GRM3: variants seen among roughly 807,000 people sequenced by gnomAD.
The protein encoded by GRM3 is glutamate metabotropic receptor 3, also known as metabotropic glutamate receptor 3.
Under a neutral mutation model 70.5 loss-of-function variants are expected in GRM3, and 26 were observed. The ratio of observed to expected loss-of-function variants is 0.37; its 90% confidence interval spans 0.27 to 0.51. The LOEUF (loss-of-function observed/expected upper bound fraction) is 0.51. Ranked by LOEUF, GRM3 falls within the 20% of genes least tolerant of loss-of-function variation. GRM3 has a pLI of 0.93. For missense variants in GRM3, 859 were observed against 1,123.8 expected (o/e 0.76, Z 3.37); for synonymous variants, 443 against 434.9 (o/e 1.02, Z -0.23).
At chr7:86,754,533 T>A (rs1796300275) in intron 1 of GRM3, among the ~76,000 whole-genome samples, 1 of 152,166 alleles carries the variant, frequency 6.6e-6, no homozygotes, top group African/African-American at 2.4e-5. Context: ...GGAGCCATCA[T>A]GAAGCCTGTG....
intron 1 of GRM3, among the ~76,000 whole-genome samples, chr7:86,698,439 C>A (rs1794875298): frequency 6.6e-6 from 1 of 151,204 alleles, no homozygotes; most frequent in South Asian, 2.1e-4. Flanking sequence ...TCCTCCTCAA[C>A]CCCCCACCAC....
At chr7:86,743,888 G>A (rs900984270) in intron 1 of GRM3, among the ~76,000 whole-genome samples, 4 of 152,074 alleles carry the variant, frequency 2.6e-5, no homozygotes, top group Non-Finnish European at 4.4e-5. Flanking sequence ...GAAGAGAGCT[G>A]TGTGAGACTA....
chr7:86,837,705 G>C (rs553075484), intron 3 of GRM3, among the ~76,000 whole-genome samples: 5 of 152,100 alleles, frequency 3.3e-5, no homozygotes, highest in Non-Finnish European at 7.4e-5. Context: ...AGGAATCTGG[G>C]GTTTTGAATC....
intron 3 of GRM3, among the ~76,000 whole-genome samples, chr7:86,800,609 T>C (rs1292872138): frequency 2.0e-5 from 3 of 152,162 alleles, no homozygotes; most frequent in Non-Finnish European, 4.4e-5. Flanking sequence ...AATCCCTGAA[T>C]AGACCAATAA....
At chr7:86,791,400 CT>C (rs1346450543) in intron 3 of GRM3, among the ~76,000 whole-genome samples, 2 of 152,152 alleles carry the variant, frequency 1.3e-5, no homozygotes, top group African/African-American at 4.8e-5. Flanking sequence ...CCTAAGTACT[CT>C]CTTTTAGTTA....
chr7:86,699,583 T>G (rs1406193210), intron 1 of GRM3, among the ~76,000 whole-genome samples: 1 of 152,064 alleles, frequency 6.6e-6, no homozygotes, highest in Non-Finnish European at 1.5e-5. Context: ...TGTGTTTTCT[T>G]CTTAAAATAT....
intron 3 of GRM3, among the ~76,000 whole-genome samples, chr7:86,812,677 G>T (rs571663999): frequency 6.6e-6 from 1 of 151,682 alleles, no homozygotes; most frequent in Non-Finnish European, 1.5e-5. Context: ...CATTTGCCGG[G>T]CATATCAAAG....
At chr7:86,811,106 A>T (rs1797899736) in intron 3 of GRM3, among the ~76,000 whole-genome samples, 1 of 151,952 alleles carries the variant, frequency 6.6e-6, no homozygotes, top group African/African-American at 2.4e-5. Flanking sequence ...TCAGGTAAAA[A>T]GTAGGGAAGG....
chr7:86,673,485 C>T (rs186762907), intron 1 of GRM3, among the ~76,000 whole-genome samples: 1 of 152,178 alleles, frequency 6.6e-6, no homozygotes, highest in Non-Finnish European at 1.5e-5. Context: ...TTTCAAGTTT[C>T]TCTCACTACC....
chr7:86,716,476 T>C (rs1294053448), intron 1 of GRM3, among the ~76,000 whole-genome samples: 1 of 151,844 alleles, frequency 6.6e-6, no homozygotes, highest in African/African-American at 2.4e-5. Flanking sequence ...AATGAAAAAC[T>C]TGGAATTCAC....
chr7:86,766,306 A>C (rs1421012320), intron 2 of GRM3, among the ~76,000 whole-genome samples: 1 of 152,112 alleles, frequency 6.6e-6, no homozygotes, highest in Admixed American at 6.6e-5. Flanking sequence ...TTTTGTTCAG[A>C]GATAAAATAC....
At chr7:86,856,734 T>C (rs1339814944) in intron 5 of GRM3, among the ~76,000 whole-genome samples, 3 of 152,218 alleles carry the variant, frequency 2.0e-5, no homozygotes, top group Admixed American at 2.0e-4. Context: ...AATTGATGTT[T>C]AGTACCTCTC....
At chr7:86,801,064 CTTTTTTTTTTTTTT>C (rs67046105) in intron 3 of GRM3, among the ~76,000 whole-genome samples, 2 of 86,824 alleles carry the variant, frequency 2.3e-5, no homozygotes, top group East Asian at 6.3e-4. Flanking sequence ...CAAACTTCTT[CTTTTTTTTTTTTTT>C]TTTTTTTTTT....
intron 1 of GRM3, among the ~76,000 whole-genome samples, chr7:86,662,903 T>A (rs2115850569): frequency 6.6e-6 from 1 of 152,110 alleles, no homozygotes; most frequent in East Asian, 1.9e-4. Flanking sequence ...TTAGATTTTT[T>A]TTTGCTATAG....
At chr7:86,750,497 C>G (rs1796204356) in intron 1 of GRM3, among the ~76,000 whole-genome samples, 1 of 151,908 alleles carries the variant, frequency 6.6e-6, no homozygotes, top group South Asian at 2.1e-4. Context: ...AAAGAAAAAG[C>G]ATGAGGAGTT....
rs747347144 is a variant in GRM3 at position 86,839,467 on chromosome 7, C to T, written c.1953C>T (p.Ser651=). 3.1e-6 allele frequency: 5 copies of T among 1,612,342 alleles called. No individual in the cohort carries two copies. The South Asian group carries it at 4.4e-5, about 14-fold the overall frequency. ...TGCGCCGACTCGGGCTGGGGAGTTC[C>T]TTCGCTATCTGTTACTCAGCCCTGC... is the stretch of plus-strand genomic sequence containing the variant. ...CALRRLGLGS[S]FAICYSALLT... The change falls in exon 4 of 6, where the codon TCC becomes TCT. Residue 651 remains serine, a synonymous_variant. Transcript: ENST00000361669. The surrounding 1 kb of genome is among the most constrained non-coding windows in gnomAD (Gnocchi z 4.5).
At chr7:86,858,452 G>A (rs1472623020) in intron 5 of GRM3, among the ~76,000 whole-genome samples, 2 of 152,064 alleles carry the variant, frequency 1.3e-5, no homozygotes, top group Non-Finnish European at 2.9e-5. Context: ...CCCCCATGAT[G>A]GGACTGATGG....
Position 86,740,871 on chromosome 7 carries a change from T to C in GRM3, c.-140-24135T>C, listed in dbSNP as rs191800152. ...ATAATTTTCACCATATCCATTTTTTTCCTGTGGTAGTCTATTACTTAGCAC... is the reference window on the plus strand; with the variant it reads ...ATAATTTTCACCATATCCATTTTTTCCCTGTGGTAGTCTATTACTTAGCAC... On this transcript the variant is annotated intron_variant, in intron 1 of 5. Coordinates refer to ENST00000361669, the MANE Select transcript of GRM3 (RefSeq NM_000840.3). Among the ~76,000 whole-genome samples the C allele has an allele frequency of 2.4e-3, 364 of 152,316 alleles. 3 individuals carry two copies. Among genetic ancestry groups the C allele is most frequent in the African/African-American group, 8.4e-3 (350 of 41,580 alleles).
Position 86,740,957 on chromosome 7 carries a change from A to G in GRM3, c.-140-24049A>G, listed in dbSNP as rs1795977282. On this transcript the variant is annotated intron_variant, in intron 1 of 5. Coordinates refer to ENST00000361669, the MANE Select transcript of GRM3 (RefSeq NM_000840.3). Reference sequence around the variant, plus strand: ...ACCTGTATGCATCATGTCAAATTCAACCTTTGCAGGCAGATGAAGGAAGAA... The same window carrying G: ...ACCTGTATGCATCATGTCAAATTCAGCCTTTGCAGGCAGATGAAGGAAGAA... Among the ~76,000 whole-genome samples the G allele has an allele frequency of 2.6e-5, 4 of 152,132 alleles. No homozygotes were observed. The South Asian group carries it at 8.3e-4, about 32-fold the overall frequency.
Sources: allele counts gnomAD v4.1 joint callset (sites outside exome capture counted in the v4.1 genomes callset), GRCh38; gene constraint gnomAD v4.1.1; non-coding constraint Gnocchi (gnomAD v3.1); transcripts MANE v1.5; gene names NCBI Gene and HGNC (gene_info 2026-07-23, HGNC 2026-07-21).